Variants in DENND2C observed in about 807,000 individuals in gnomAD.
DENND2C encodes DENN domain containing 2C, also known as DENN domain-containing protein 2C.
Under a neutral mutation model 112.4 loss-of-function variants are expected in DENND2C, and 72 were observed. The observed-to-expected ratio is 0.64, with a 90% CI of 0.53 to 0.78. DENND2C has a LOEUF of 0.78. Ranked by LOEUF, DENND2C falls within the 30% of genes least tolerant of loss-of-function variation. The pLI is 0.00. For missense variants in DENND2C, 992 were observed against 1,113.8 expected, an observed-to-expected ratio of 0.89 and a Z score of 1.56; for synonymous variants, 329 against 381.6, an observed-to-expected ratio of 0.86 and a Z score of 1.61.
chr1:114,667,727 C>T (rs949125260), intron 1 of DENND2C, among the ~76,000 whole-genome samples: 3 of 152,012 alleles, frequency 2.0e-5, no homozygotes, highest in Non-Finnish European at 4.4e-5. Flanking sequence ...TCATTTGTAT[C>T]TCACTCACAG....
chr1:114,622,030 A>C lies in DENND2C; in HGVS notation c.1092T>G (p.Thr364=), dbSNP rs1367006805. ...PPKPQFLHRK[T]MEVKNSQAYL... is the part of the protein sequence containing the mutation. ...AAGCCTGTGAGTTCTTTACTTCCAT[A>C]GTCTTCCGGTGAAGGAACTGAGGTT... is the stretch of plus-strand genomic sequence containing the variant. The change falls in exon 7 of 21, where the codon ACT becomes ACG. Residue 364 remains threonine, a synonymous_variant. Coordinates refer to ENST00000393274, the MANE Select transcript of DENND2C (RefSeq NM_001256404.2). 1 of 1,548,626 alleles carries C rather than the reference A, an allele frequency of 6.5e-7. No individual in the cohort carries two copies. The highest frequency in any genetic ancestry group is 8.7e-7 in the Non-Finnish European group (1 of 1,146,416).
chr1:114,606,355 G>A (rs544378804), intron 10 of DENND2C, among the ~76,000 whole-genome samples: 169 of 152,268 alleles, frequency 1.1e-3, no homozygotes, highest in Non-Finnish European at 1.9e-3. Context: ...TATTTTTGAG[G>A]ACTTTTTGAA....
chr1:114,643,028 G>C (rs1381691031), intron 3 of DENND2C, among the ~76,000 whole-genome samples: 1 of 152,130 alleles, frequency 6.6e-6, no homozygotes, highest in Non-Finnish European at 1.5e-5. Flanking sequence ...GCAAATACCT[G>C]TGTATGTCTT....
chr1:114,652,176 C>A (rs1034860840), intron 2 of DENND2C, among the ~76,000 whole-genome samples: 5 of 152,084 alleles, frequency 3.3e-5, no homozygotes, highest in African/African-American at 1.2e-4. Context: ...GAATGCTATG[C>A]AACTATTAAA....
chr1:114,657,859 C>T (rs1260583289), intron 1 of DENND2C, among the ~76,000 whole-genome samples: 2 of 151,946 alleles, frequency 1.3e-5, no homozygotes, highest in African/African-American at 4.8e-5. Flanking sequence ...GGGAAGGAGT[C>T]GCTAAAGAGG....
In DENND2C at chr1:114,603,269, T is replaced by C. The variant is rs186785419; in HGVS notation, c.1668-1075A>G. 2.4e-4 allele frequency among the ~76,000 whole-genome samples: 37 copies of C among 151,850 alleles called. No individual in the cohort carries two copies. In the East Asian group the frequency reaches 7.2e-3, roughly 30 times the overall value. On this transcript the variant is annotated intron_variant, in intron 11 of 20. Coordinates refer to ENST00000393274, the MANE Select transcript of DENND2C (RefSeq NM_001256404.2). ...AATGCTCCTGCCTCAGCCTCCCGAGTAGTGGGACTACAGGCATGTGCCATC... is the reference window on the plus strand; with the variant it reads ...AATGCTCCTGCCTCAGCCTCCCGAGCAGTGGGACTACAGGCATGTGCCATC...
chr1:114,621,956 G>A lies in DENND2C; in HGVS notation c.1166C>T (p.Thr389Met), dbSNP rs1013450134. The A allele has an allele frequency of 5.2e-5, 80 of 1,550,550 alleles. No individual in the cohort carries two copies. Among genetic ancestry groups the A allele is most frequent in the East Asian group, 1.2e-4 (5 of 40,936 alleles). ...ACCAGCTCGGAAAAGCTTCCATTCC[G>A]TTAAAGTGACCGGCAAAGTTGTATC... ...TKDTTLPVTLTEWKLFRAGEV... is the reference protein window; with the variant it reads ...TKDTTLPVTLMEWKLFRAGEV... Residue 389 changes from threonine (T) to methionine (M), a missense_variant, in exon 7 of 21, where the codon ACG becomes ATG. Transcript: ENST00000393274.
chr1:114,587,239 G>A, intron 20 of DENND2C, 148 bp downstream of exon 20: 5 of 798,918 alleles, frequency 6.3e-6, no homozygotes, highest in Non-Finnish European at 1.1e-5. Context: ...TAGGGATGGG[G>A]TCTCACTATG....
chr1:114,663,624 A>T (rs1657560554), intron 1 of DENND2C, among the ~76,000 whole-genome samples: 1 of 152,226 alleles, frequency 6.6e-6, no homozygotes. Context: ...CTGTGGGCCA[A>T]ATTTGGCCCA....
At chr1:114,667,763 G>A (rs1168760102) in intron 1 of DENND2C, among the ~76,000 whole-genome samples, 2 of 152,046 alleles carry the variant, frequency 1.3e-5, no homozygotes, top group Non-Finnish European at 2.9e-5. Flanking sequence ...ATAGCGCAAA[G>A]GTTACAATCA....
rs1356963299 is a variant in DENND2C at position 114,583,194 on chromosome 1, AAGAC to A, written c.*2402_*2405del. On this transcript the variant is annotated 3_prime_UTR_variant, in exon 21 of 21. Coordinates refer to ENST00000393274, the MANE Select transcript of DENND2C (RefSeq NM_001256404.2). ...GGGTAACCTGCTTAACATTAAAAAA[AAGAC>A]AGGCTCAGTTCTATTCCCTGGACCC... 1 of 152,242 alleles carries A rather than the reference AAGAC, an allele frequency of 6.6e-6. No individual in the cohort carries two copies. The highest frequency in any genetic ancestry group is 2.4e-5 in the African/African-American group (1 of 41,462). The allele number at this position is 152,242 out of a possible 1,614,324, so 9.4% of individuals were successfully genotyped here. A position where few individuals can be genotyped will look rare whatever the true frequency, so the allele number is the denominator to read the frequency against.
rs140807433 is a variant in DENND2C, at chr1:114,599,368, G to A, written c.2189C>T (p.Ala730Val). The A allele has an allele frequency of 5.6e-6, 9 of 1,613,984 alleles. No homozygotes were observed. The highest frequency in any genetic ancestry group is 1.6e-4 in the Middle Eastern group (1 of 6,074). Reference protein sequence around the residue: ...WQHTYIPVLPASMIDIVCSPT... With the variant: ...WQHTYIPVLPVSMIDIVCSPT... ...TGAGCACACGATGTCAATCATAGATGCTGGCAGGACTGGGATATAGGTATG... is the reference window on the plus strand; with the variant it reads ...TGAGCACACGATGTCAATCATAGATACTGGCAGGACTGGGATATAGGTATG... The change falls in exon 16 of 21, where the codon GCA becomes GTA. Residue 730 changes from alanine to valine, a missense_variant. Around this residue, in one of 3 missense-constraint regions of DENND2C, gnomAD observed 516 missense variants for 623.6 expected, o/e 0.83. Coordinates refer to ENST00000393274, the MANE Select transcript of DENND2C (RefSeq NM_001256404.2).
chr1:114,605,661 A>C (rs1390247370), intron 10 of DENND2C, among the ~76,000 whole-genome samples: 1 of 152,174 alleles, frequency 6.6e-6, no homozygotes, highest in African/African-American at 2.4e-5. Context: ...GTGTGGTGGC[A>C]CATGCCTGTA....
intron 1 of DENND2C, among the ~76,000 whole-genome samples, chr1:114,664,291 T>C (rs531499399): frequency 1.3e-5 from 2 of 152,076 alleles, no homozygotes; most frequent in East Asian, 1.9e-4. Context: ...AGTGATGGGA[T>C]AGGAATATGC....
chr1:114,639,159 C>T (rs1398398219), intron 3 of DENND2C, among the ~76,000 whole-genome samples: 2 of 152,108 alleles, frequency 1.3e-5, no homozygotes, highest in East Asian at 3.8e-4. Context: ...ACTAGAATGG[C>T]TAAAATTTAA....
At position 114,600,837 on chromosome 1, in the gene DENND2C, G is replaced by A; in HGVS notation, c.1939C>T (p.Pro647Ser). ...GRTITVKSYL[P>S]GAGDESIELC... is the part of the protein sequence containing the mutation. ...TAACTTACCTCATCTCCAGCCCCAG[G>A]GAGGTAACTCTTAACTGTGATGGTG... Residue 647 changes from proline (P) to serine (S), a missense_variant, in exon 14 of 21, where the codon CCT becomes TCT. Pro to Ser is a moderately conservative substitution (Grantham distance 74). This residue lies in a region of DENND2C where 516 missense variants were observed against 623.6 expected (regional missense o/e 0.83). Coordinates refer to ENST00000393274, the MANE Select transcript of DENND2C (RefSeq NM_001256404.2). 2.5e-6 allele frequency: 4 copies of A among 1,613,006 alleles called. No homozygotes were observed. The highest frequency in any genetic ancestry group is 2.5e-6 in the Non-Finnish European group (3 of 1,179,512).
chr1:114,659,274 G>A (rs1212569566), intron 1 of DENND2C, among the ~76,000 whole-genome samples: 1 of 152,166 alleles, frequency 6.6e-6, no homozygotes, highest in Non-Finnish European at 1.5e-5. Context: ...GTAGAGGCGG[G>A]TGGATCACTT....
intron 8 of DENND2C, among the ~76,000 whole-genome samples, chr1:114,611,617 A>ATT (rs1655819359): frequency 6.6e-6 from 1 of 152,116 alleles, no homozygotes; most frequent in East Asian, 1.9e-4. Flanking sequence ...GTGCCTCTAA[A>ATT]CTACTTCTAG....
chr1:114,646,997 TA>T (rs1267304227), intron 2 of DENND2C, among the ~76,000 whole-genome samples: 1 of 152,026 alleles, frequency 6.6e-6, no homozygotes, highest in African/African-American at 2.4e-5. Context: ...CTGTCTCTAC[TA>T]AAAATACAAA....
Sources: gnomAD v4.1 joint callset for allele counts (sites outside exome capture counted in the v4.1 genomes callset) on GRCh38, gnomAD v4.1.1 for gene constraint, gnomAD v4.1.1 regional missense constraint, MANE v1.5 for transcripts, NCBI Gene and HGNC (gene_info 2026-07-23, HGNC 2026-07-21) for gene names.